Variants in DNAAF1 observed in about 807,000 individuals in gnomAD.
The protein encoded by DNAAF1 is dynein axonemal assembly factor 1.
Under a neutral mutation model 71.1 loss-of-function variants are expected in DNAAF1, and 65 were observed. That is an observed-to-expected ratio of 0.91 (90% CI 0.75 to 1.12). The LOEUF is 1.12. DNAAF1 is among the 50% of genes most tolerant of loss of function. The pLI is 0.00. For synonymous variants in DNAAF1, 414 were observed against 354.6 expected, an observed-to-expected ratio of 1.17 and a Z score of -1.88; for missense variants, 1,178 against 899.8, an observed-to-expected ratio of 1.31 and a Z score of -3.96.
rs376368762 is a variant in DNAAF1, at chr16:84,174,690, G to A, written c.1666G>A (p.Asp556Asn). ...TCAGGACCTACCTGACTTGGAAGATGATGATGAAACAGGCAAATCTCTGGA... is the reference window on the plus strand; with the variant it reads ...TCAGGACCTACCTGACTTGGAAGATAATGATGAAACAGGCAAATCTCTGGA... ...CIDDLPDLED[D>N]DETGKSLEDQ... Residue 556 changes from aspartate (D) to asparagine (N), a missense_variant, in exon 10 of 12, where the codon GAT (aspartate) becomes AAT (asparagine). Asp to Asn is a conservative substitution (Grantham distance 23). Coordinates refer to ENST00000378553, the MANE Select transcript of DNAAF1 (RefSeq NM_178452.6). 6.2e-7 allele frequency: 1 copy of A among 1,614,180 alleles called. No individual in the cohort carries two copies. The highest frequency in any genetic ancestry group is 8.5e-7 in the Non-Finnish European group (1 of 1,180,042).
intron 6 of DNAAF1, 64 bp from the exon 7 acceptor site, chr16:84,165,719 T>C (rs1024496954): frequency 9.6e-5 from 143 of 1,491,804 alleles, no homozygotes; most frequent in Non-Finnish European, 1.2e-4. Flanking sequence ...AATGAGCAAG[T>C]TGATCAGACA....
At position 84,170,023 on chromosome 16, in the gene DNAAF1, C is replaced by A. The variant is rs1397514971; in HGVS notation, c.1195C>A (p.Pro399Thr). 33 of 1,613,876 alleles carry A rather than the reference C, an allele frequency of 2.0e-5. No homozygotes were observed. The highest frequency in any genetic ancestry group is 2.8e-5 in the Non-Finnish European group (33 of 1,180,036). ...LCPEKPSGEEPPVEAKREDGG... is the reference protein window; with the variant it reads ...LCPEKPSGEETPVEAKREDGG... ...CCCGGAAAAGCCAAGTGGAGAGGAGCCGCCTGTGGAGGCTAAAAGAGAGGA... is the reference window on the plus strand; with the variant it reads ...CCCGGAAAAGCCAAGTGGAGAGGAGACGCCTGTGGAGGCTAAAAGAGAGGA... The change falls in exon 8 of 12, where the codon CCG (proline) becomes ACG (threonine). Residue 399 changes from proline to threonine, a missense_variant. Physicochemically the swap from Pro to Thr is conservative, Grantham distance 38 (BLOSUM62 -1). Transcript: ENST00000378553.
chr16:84,151,076 G>C (rs986058017), intron 3 of DNAAF1, among the ~76,000 whole-genome samples: 8 of 152,204 alleles, frequency 5.3e-5, no homozygotes, highest in Non-Finnish European at 8.8e-5. Flanking sequence ...TTGGAGGCCA[G>C]TATCACATAT....
chr16:84,161,133 C>T lies in DNAAF1; in HGVS notation c.863+1337C>T, dbSNP rs377515604. ...GGGGGAGCTCCCTCACCTCCCTGGG[C>T]GCACGTTCCTCATCTGCAGCGTGGG... On this transcript the variant is annotated intron_variant, in intron 6 of 11. Transcript: ENST00000378553. Among the ~76,000 whole-genome samples the T allele has an allele frequency of 9.9e-5, 15 of 152,232 alleles. 1 individual carries two copies. Among genetic ancestry groups the T allele is most frequent in the African/African-American group, 3.4e-4 (14 of 41,526 alleles).
intron 6 of DNAAF1, among the ~76,000 whole-genome samples, chr16:84,161,203 C>T (rs1042102779): frequency 2.4e-4 from 36 of 152,288 alleles, no homozygotes; most frequent in African/African-American, 8.2e-4. Flanking sequence ...CGCCTGTGAG[C>T]AACATGCAGG....
In DNAAF1 at chr16:84,169,968, G is replaced by A. The variant is rs1239362079; in HGVS notation, c.1140G>A (p.Lys380=). 6.2e-7 allele frequency: 1 copy of A among 1,614,120 alleles called. No homozygotes were observed. The highest frequency in any genetic ancestry group is 8.5e-7 in the Non-Finnish European group (1 of 1,180,050). ...ETRQKMELFV[K]ESFEAKDELC... is the part of the protein sequence containing the mutation. The stretch of plus-strand genomic sequence containing the variant: ...GGCAGAAGATGGAGCTATTTGTTAA[G>A]GAAAGCTTTGAGGCCAAGGACGAGC... Residue 380 remains lysine, a synonymous_variant, in exon 8 of 12, where the codon AAG becomes AAA. Transcript: ENST00000378553.
intron 3 of DNAAF1, among the ~76,000 whole-genome samples, chr16:84,153,637 TTTTC>T (rs1423962034): frequency 6.6e-6 from 1 of 152,126 alleles, no homozygotes; most frequent in African/African-American, 2.4e-5. Context: ...AATAAAAACT[TTTTC>T]AGGCAACAAA....
chr16:84,159,031 C>T (rs1011139867), intron 5 of DNAAF1: 13 of 987,306 alleles, frequency 1.3e-5, no homozygotes, highest in African/African-American at 3.5e-5. Context: ...ATGCCCAGCC[C>T]CACTAAGCAT....
chr16:84,171,641 C>T (rs1022067794), intron 8 of DNAAF1, among the ~76,000 whole-genome samples: 21 of 152,268 alleles, frequency 1.4e-4, no homozygotes, highest in African/African-American at 3.9e-4. Flanking sequence ...CCTGCCCCTC[C>T]GTCTCTGAGC....
At chr16:84,153,956 G>A (rs2087296925) in intron 3 of DNAAF1, among the ~76,000 whole-genome samples, 1 of 152,008 alleles carries the variant, frequency 6.6e-6, no homozygotes, top group South Asian at 2.1e-4. Flanking sequence ...TTTTCAGCAA[G>A]ACCCCCTAGG....
At chr16:84,157,832 A>G (rs2087511416) in intron 5 of DNAAF1, among the ~76,000 whole-genome samples, 1 of 152,196 alleles carries the variant, frequency 6.6e-6, no homozygotes, top group South Asian at 2.1e-4. Context: ...AGAAAGCTCT[A>G]TTATATTATA....
chr16:84,169,905 G>A lies in DNAAF1; in HGVS notation c.1077G>A (p.Ala359=), dbSNP rs35504640. 47,030 of 1,614,104 alleles carry A rather than the reference G, an allele frequency of 0.029. 905 individuals are homozygous for A. Among genetic ancestry groups the A allele is most frequent in the Middle Eastern group, 0.083 (496 of 5,972 alleles). Residue 359 remains alanine (A), a synonymous_variant, in exon 8 of 12, where the codon GCG becomes GCA. Coordinates refer to ENST00000378553, the MANE Select transcript of DNAAF1 (RefSeq NM_178452.6). ...ATGGTGAGAATGTGCCCGCCAGTGC[G>A]GAAGGCAAGGAGGAGCCTCCCGGGG... is the stretch of plus-strand genomic sequence containing the variant. ...SDDGENVPAS[A]EGKEEPPGDR...
chr16:84,160,775 G>A (rs941209359), intron 6 of DNAAF1, among the ~76,000 whole-genome samples: 26 of 151,754 alleles, frequency 1.7e-4, no homozygotes, highest in Non-Finnish European at 7.4e-5. Context: ...GCTACTAAAA[G>A]TACACAAAAA....
rs200020989 is a variant in DNAAF1, at chr16:84,176,049, T to C, written c.1815T>C (p.Asn605=). 2 of 1,614,072 alleles carry C rather than the reference T, an allele frequency of 1.2e-6. No homozygotes were observed. The highest frequency in any genetic ancestry group is 1.7e-5 in the Admixed American group (1 of 60,014). ...LENLPTDTLS[N]IFAVSKDTSK... ...ACCTCCCCACAGACACTCTGTCAAA[T>C]ATATTTGCAGTCTCTAAAGACACCT... Residue 605 remains asparagine (N), a synonymous_variant, in exon 11 of 12, where the codon AAT becomes AAC. Coordinates refer to ENST00000378553, the MANE Select transcript of DNAAF1 (RefSeq NM_178452.6).
intron 3 of DNAAF1, among the ~76,000 whole-genome samples, chr16:84,151,460 A>T (rs2087176496): frequency 6.6e-6 from 1 of 152,202 alleles, no homozygotes. Flanking sequence ...AGCAGTGAGT[A>T]AGATGATGTA....
At position 84,154,770 on chromosome 16, in the gene DNAAF1, C is replaced by A. The variant is rs144018942; in HGVS notation, c.546C>A (p.Asn182Lys). ...AACTGGATGCTCTTAACCTCAGCAA[C>A]AATTACATCAAGACCATTGAAAACC... ...LQKLDALNLS[N>K]NYIKTIENLS... The change falls in exon 4 of 12, where the codon AAC becomes AAA. Residue 182 changes from asparagine (N) to lysine (K), a missense_variant. By Grantham distance (94) the Asn-to-Lys change is moderately conservative. Coordinates refer to ENST00000378553, the MANE Select transcript of DNAAF1 (RefSeq NM_178452.6). 13 of 1,614,010 alleles carry A rather than the reference C, an allele frequency of 8.1e-6. No individual in the cohort carries two copies. The East Asian group carries it at 2.9e-4, about 36-fold the overall frequency.
chr16:84,161,555 G>A (rs1194257676), intron 6 of DNAAF1, among the ~76,000 whole-genome samples: 5 of 152,004 alleles, frequency 3.3e-5, no homozygotes, highest in African/African-American at 1.2e-4. Flanking sequence ...TGTAGAGATG[G>A]GGGTCTCACT....
chr16:84,150,788 A>G (rs1310635931), intron 3 of DNAAF1, among the ~76,000 whole-genome samples: 1 of 151,586 alleles, frequency 6.6e-6, no homozygotes, highest in Non-Finnish European at 1.5e-5. Context: ...TAATTTTTGT[A>G]TTTTTAGTAA....
In DNAAF1 at chr16:84,170,253, G is replaced by A; in HGVS notation, c.1425G>A (p.Leu475=). ...CCCTCCCAGCTGAGACCCTGCTACT[G>A]TCACCGCCTGTGAAGGTTAAAGGAG... ...EGTLPAETLL[L]SPPVKVKGED... The change falls in exon 8 of 12, where the codon CTG becomes CTA. Residue 475 remains leucine, a synonymous_variant. Transcript: ENST00000378553. 6.2e-7 allele frequency: 1 copy of A among 1,609,186 alleles called. No individual in the cohort carries two copies. The highest frequency in any genetic ancestry group is 8.5e-7 in the Non-Finnish European group (1 of 1,177,944).
Sources: gnomAD v4.1 joint callset for allele counts (sites outside exome capture counted in the v4.1 genomes callset) on GRCh38, gnomAD v4.1.1 for gene constraint, MANE v1.5 for transcripts, NCBI Gene and HGNC (gene_info 2026-07-23, HGNC 2026-07-21) for gene names.